The following NCKAP5 variants were observed in gnomAD, a reference collection of about 807,000 sequenced individuals.
The protein encoded by NCKAP5 is NCK associated protein 5, also known as nck-associated protein 5.
NCKAP5 carries 92 observed loss-of-function variants against 167.0 expected under a neutral mutation model. The ratio of observed to expected loss-of-function variants is 0.55; its 90% CI spans 0.47 to 0.66. The LOEUF (loss-of-function observed/expected upper bound fraction) is 0.66. NCKAP5 is among the 30% of genes least tolerant of loss of function. The pLI, the probability that NCKAP5 is intolerant of heterozygous loss-of-function variation, is 0.00. For missense variants in NCKAP5, 2,378 were observed against 2,315.0 expected, an observed-to-expected ratio of 1.03 and a Z score of -0.56; for synonymous variants, 891 against 877.4, an observed-to-expected ratio of 1.02 and a Z score of -0.27.
intron 4 of NCKAP5, among the ~76,000 whole-genome samples, chr2:133,226,039 G>C (rs569419866): frequency 6.6e-6 from 1 of 151,988 alleles, no homozygotes; most frequent in South Asian, 2.1e-4. Context: ...GCCTCCAAAA[G>C]TGCCCCAGCC....
At chr2:133,336,316 C>T (rs775947734) in intron 3 of NCKAP5, among the ~76,000 whole-genome samples, 3 of 152,024 alleles carry the variant, frequency 2.0e-5, no homozygotes, top group Admixed American at 1.3e-4. Flanking sequence ...AATTTGTGAT[C>T]GCACACCAAG....
intron 3 of NCKAP5, among the ~76,000 whole-genome samples, chr2:133,393,105 T>C (rs1687519944): frequency 6.6e-6 from 1 of 152,202 alleles, no homozygotes; most frequent in Non-Finnish European, 1.5e-5. Context: ...ACAGCTCTTT[T>C]TGGAAACTAG....
intron 3 of NCKAP5, among the ~76,000 whole-genome samples, chr2:133,350,682 G>T (rs878931683): frequency 1.4e-4 from 21 of 152,134 alleles, no homozygotes; most frequent in African/African-American, 5.1e-4. Flanking sequence ...TCATCCCACA[G>T]TGAGCTCTGG....
intron 4 of NCKAP5, among the ~76,000 whole-genome samples, chr2:133,296,695 T>C (rs1297326512): frequency 3.3e-5 from 5 of 152,238 alleles, no homozygotes. Flanking sequence ...GCTATATTAA[T>C]ACCTTCTTTT....
chr2:132,722,116 C>T (rs921717331), intron 19 of NCKAP5, among the ~76,000 whole-genome samples: 13 of 152,192 alleles, frequency 8.5e-5, no homozygotes, highest in African/African-American at 1.9e-4. Context: ...AAGCCACAAC[C>T]TAATGCGGAT....
intron 19 of NCKAP5, among the ~76,000 whole-genome samples, chr2:132,701,008 C>T (rs535589308): frequency 4.6e-5 from 7 of 151,414 alleles, no homozygotes; most frequent in Non-Finnish European, 8.8e-5. Context: ...AGAATTTAGT[C>T]GGCAATAGGT....
intron 12 of NCKAP5, among the ~76,000 whole-genome samples, chr2:132,794,263 T>TATAGAGAGAGAGAG (rs762281677): frequency 8.4e-5 from 1 of 11,912 alleles, no homozygotes; most frequent in African/African-American, 2.3e-4. Context: ...TATATATATA[T>TATAGAGAGAGAGAG]AGAGAGAGAG....
At chr2:132,972,502 G>A (rs2149240754) in intron 7 of NCKAP5, among the ~76,000 whole-genome samples, 1 of 152,046 alleles carries the variant, frequency 6.6e-6, no homozygotes. Context: ...GAGGCAGGTG[G>A]ATCATGAGGT....
intron 6 of NCKAP5, among the ~76,000 whole-genome samples, chr2:133,066,883 A>C (rs1559105720): frequency 6.6e-6 from 1 of 152,186 alleles, no homozygotes; most frequent in Non-Finnish European, 1.5e-5. Flanking sequence ...CAGAGCGATT[A>C]TCTCAATTTA....
the NCKAP5 span, among the ~76,000 whole-genome samples, chr2:133,642,124 G>A: frequency 3.3e-5 from 5 of 152,134 alleles, no homozygotes; most frequent in African/African-American, 1.2e-4. Flanking sequence ...AAGAGAGGAC[G>A]CAAGAGAGAG....
At chr2:133,543,320 C>A (rs1686382334) in intron 2 of NCKAP5, among the ~76,000 whole-genome samples, 2 of 152,160 alleles carry the variant, frequency 1.3e-5, no homozygotes, top group Non-Finnish European at 2.9e-5. Flanking sequence ...ATGCTGGCAC[C>A]ATGCTTGTAC....
chr2:133,405,206 C>A (rs1169483595), intron 3 of NCKAP5, among the ~76,000 whole-genome samples: 2 of 152,150 alleles, frequency 1.3e-5, no homozygotes, highest in Admixed American at 6.5e-5. Context: ...CAATACATAA[C>A]CTTGTTTTGT....
the NCKAP5 span, among the ~76,000 whole-genome samples, chr2:133,603,461 T>A: frequency 6.6e-6 from 1 of 151,976 alleles, no homozygotes; most frequent in African/African-American, 2.4e-5. Context: ...CCCACCTCAG[T>A]TGATCCGCCT....
At chr2:133,659,204 G>A in the NCKAP5 span, among the ~76,000 whole-genome samples, 5 of 151,942 alleles carry the variant, frequency 3.3e-5, no homozygotes, top group Admixed American at 6.6e-5. Flanking sequence ...TTCCTCACTC[G>A]TTAGACTCTT....
At chr2:133,426,675 C>T (rs1689828604) in intron 3 of NCKAP5, among the ~76,000 whole-genome samples, 1 of 152,126 alleles carries the variant, frequency 6.6e-6, no homozygotes, top group Non-Finnish European at 1.5e-5. Flanking sequence ...AAAAATGGTT[C>T]TAACGATCAT....
chr2:133,029,518 G>T (rs950109221), intron 6 of NCKAP5, among the ~76,000 whole-genome samples: 1 of 152,152 alleles, frequency 6.6e-6, no homozygotes, highest in African/African-American at 2.4e-5. Flanking sequence ...ACACCATTGT[G>T]GATCCAATCT....
At chr2:132,794,237 TATATATATATATATATATATATATATAG>T (rs1684321337) in intron 12 of NCKAP5, among the ~76,000 whole-genome samples, 3 of 48,322 alleles carry the variant, frequency 6.2e-5, no homozygotes, top group Non-Finnish European at 8.2e-5. Context: ...TATATATATA[TATATATATATATATATATATATATATAG>T]AGAGAGAGAG....
chr2:133,265,051 G>A (rs1280859136), intron 4 of NCKAP5: 2 of 152,254 alleles, frequency 1.3e-5, no homozygotes, highest in South Asian at 2.1e-4. Flanking sequence ...GCCGGGAAAT[G>A]ACTGAGGAAG....
chr2:133,498,433 C>CGGAAGGAAGGAAGGAAGGAA (rs749222948), intron 3 of NCKAP5, among the ~76,000 whole-genome samples: 1,193 of 100,294 alleles, frequency 0.012, 21 homozygotes, highest in South Asian at 0.034. Context: ...ATGAGAAAAA[C>CGGAAGGAAGGAAGGAAGGAA]GGAAGGAAGG....
Sources: gnomAD v4.1 joint callset for allele counts (sites outside exome capture counted in the v4.1 genomes callset) on GRCh38, gnomAD v4.1.1 for gene constraint, MANE v1.5 for transcripts, NCBI Gene and HGNC (gene_info 2026-07-23, HGNC 2026-07-21) for gene names.